Variants in GMEB2 observed in about 807,000 individuals in gnomAD.
GMEB2 encodes glucocorticoid modulatory element binding protein 2, also known as glucocorticoid modulatory element-binding protein 2.
Under a neutral mutation model 45.7 loss-of-function variants are expected in GMEB2, and 7 were observed. That is an observed-to-expected ratio of 0.15 (90% CI 0.09 to 0.29). The LOEUF (loss-of-function observed/expected upper bound fraction) is 0.29. GMEB2 is among the 10% of genes least tolerant of loss of function. The pLI is 1.00. For missense variants in GMEB2, 582 were observed against 739.2 expected, an observed-to-expected ratio of 0.79 and a Z score of 2.47; for synonymous variants, 322 against 323.6, an observed-to-expected ratio of 1.00 and a Z score of 0.05.
At chr20:63,616,527 T>C (rs1279686936) in intron 2 of GMEB2, among the ~76,000 whole-genome samples, 1 of 152,158 alleles carries the variant, frequency 6.6e-6, no homozygotes, top group African/African-American at 2.4e-5. Context: ...GCTTCCAAAG[T>C]GTAAACCCAG....
chr20:63,620,150 C>T (rs1217498542), intron 1 of GMEB2, among the ~76,000 whole-genome samples: 1 of 152,204 alleles, frequency 6.6e-6, no homozygotes, highest in Non-Finnish European at 1.5e-5. Flanking sequence ...CCACTCACCT[C>T]GGCCTCCCAA....
intron 2 of GMEB2, among the ~76,000 whole-genome samples, chr20:63,607,505 CA>C (rs68176712): frequency 1.4e-3 from 20 of 14,644 alleles, no homozygotes; most frequent in Admixed American, 3.1e-3. Flanking sequence ...CCCTCTGACC[CA>C]CACATCCATT....
At chr20:63,594,020 C>G (rs540364740) in intron 6 of GMEB2, among the ~76,000 whole-genome samples, 20 of 152,216 alleles carry the variant, frequency 1.3e-4, no homozygotes, top group Non-Finnish European at 2.2e-4. Context: ...ACTCCTTCTC[C>G]AACACCACCA....
chr20:63,614,599 G>A (rs915002497), intron 2 of GMEB2, among the ~76,000 whole-genome samples: 20 of 152,152 alleles, frequency 1.3e-4, no homozygotes, highest in Admixed American at 6.5e-4. Flanking sequence ...AGTCAGGCCC[G>A]CCCGCAGTTA....
In GMEB2 at chr20:63,604,788, C is replaced by A. The variant is rs1462613048; in HGVS notation, c.184G>T (p.Ala62Ser). Residue 62 changes from alanine (A) to serine (S), a missense_variant, in exon 3 of 10, where the codon GCC becomes TCC. Physicochemically the swap from Ala to Ser is moderately conservative, Grantham distance 99 (BLOSUM62 1). Transcript: ENST00000370077. Reference sequence around the variant, plus strand: ...TGGGAGGAGGCTGTGAAGGCCGCGGCAGCTGCTGCCGCTGCATTTTCTGTC... The same window carrying A: ...TGGGAGGAGGCTGTGAAGGCCGCGGAAGCTGCTGCCGCTGCATTTTCTGTC... ...METENAAAAAAAAFTASSQLK... is the reference protein window; with the variant it reads ...METENAAAAASAAFTASSQLK... 1.2e-6 allele frequency: 2 copies of A among 1,612,292 alleles called. No homozygotes were observed. The highest frequency in any genetic ancestry group is 2.7e-5 in the African/African-American group (2 of 74,902).
At chr20:63,618,466 A>G (rs974783819) in intron 2 of GMEB2, among the ~76,000 whole-genome samples, 5 of 152,210 alleles carry the variant, frequency 3.3e-5, no homozygotes, top group African/African-American at 4.8e-5. Context: ...CCTCCCAGGC[A>G]GCAGCTGCCT....
intron 1 of GMEB2, among the ~76,000 whole-genome samples, chr20:63,623,660 C>T (rs978135833): frequency 2.0e-5 from 3 of 151,790 alleles, no homozygotes; most frequent in African/African-American, 7.3e-5. Flanking sequence ...TAGCCGGGCG[C>T]GGTGGCAGGT....
Position 63,593,089 on chromosome 20 carries a change from C to A in GMEB2, c.620-7G>T, listed in dbSNP as rs571191517. 6.2e-7 allele frequency: 1 copy of A among 1,600,652 alleles called. No individual in the cohort carries two copies. ...GTCGCAGGAGACCCATTCACTGCAGCCGAAAGGGAACCTCGGGTGAGTGCT... is the reference window on the plus strand; with the variant it reads ...GTCGCAGGAGACCCATTCACTGCAGACGAAAGGGAACCTCGGGTGAGTGCT... On this transcript the variant is annotated splice_polypyrimidine_tract_variant and splice_region_variant and intron_variant, in intron 6 of 9. Transcript: ENST00000370077. This position sits in a 1 kb window ranked among gnomAD's most constrained non-coding sequence, Gnocchi z 4.7.
chr20:63,614,957 C>T (rs1012918740), intron 2 of GMEB2, among the ~76,000 whole-genome samples: 7 of 152,118 alleles, frequency 4.6e-5, no homozygotes, highest in East Asian at 1.9e-4. Context: ...TACCAGTCTC[C>T]GCGTCTTGGT....
chr20:63,602,537 G>A (rs955762504), intron 4 of GMEB2, among the ~76,000 whole-genome samples: 5 of 152,194 alleles, frequency 3.3e-5, no homozygotes, highest in Non-Finnish European at 5.9e-5. Context: ...TTCTTAGCCC[G>A]TGTGAGGCAG....
chr20:63,613,529 T>C (rs1601028763), intron 2 of GMEB2, among the ~76,000 whole-genome samples: 1 of 151,182 alleles, frequency 6.6e-6, no homozygotes, highest in East Asian at 1.9e-4. Context: ...TTCTTTTTTT[T>C]TTTTTTTTGA....
intron 2 of GMEB2, among the ~76,000 whole-genome samples, chr20:63,616,666 C>T (rs1260339472): frequency 6.6e-6 from 1 of 152,152 alleles, no homozygotes; most frequent in Non-Finnish European, 1.5e-5. Flanking sequence ...AGAGGCGTGG[C>T]ACATCAACTA....
chr20:63,592,232 A>G lies in GMEB2; in HGVS notation c.830-88T>C. 7.7e-7 allele frequency: 1 copy of G among 1,304,830 alleles called. No homozygotes were observed. 80.8% of individuals were successfully genotyped at this position (1,304,830 alleles called of 1,614,324 possible). On this transcript the variant is annotated intron_variant, in intron 8 of 9. Coordinates refer to ENST00000370077, the MANE Select transcript of GMEB2 (RefSeq NM_012384.5). The surrounding 1 kb of genome is among the most constrained non-coding windows in gnomAD (Gnocchi z 8.2). ...CTCGGTGAGAGCCCGGGACCTTCCT[A>G]GAGAGTCACGTGGACGCTCGGTGAG...
chr20:63,624,483 T>C (rs1054894901), intron 1 of GMEB2, among the ~76,000 whole-genome samples: 1 of 151,798 alleles, frequency 6.6e-6, no homozygotes, highest in African/African-American at 2.4e-5. Flanking sequence ...ATACTACTGA[T>C]CTCCCGTGCT....
intron 6 of GMEB2, among the ~76,000 whole-genome samples, chr20:63,594,321 C>G (rs968941033): frequency 6.6e-6 from 1 of 152,246 alleles, no homozygotes. Flanking sequence ...CCAGTTCCTT[C>G]CCTGGCAGGC....
chr20:63,624,188 G>A (rs1162926639), intron 1 of GMEB2, among the ~76,000 whole-genome samples: 3 of 151,954 alleles, frequency 2.0e-5, no homozygotes, highest in Non-Finnish European at 2.9e-5. Context: ...AGGCCGAGGC[G>A]GGTGGATCAC....
rs1442424747 is a variant in GMEB2 at position 63,604,751 on chromosome 20, G to A, written c.221C>T (p.Ala74Val). 1.9e-6 allele frequency: 3 copies of A among 1,596,712 alleles called. No homozygotes were observed. The highest frequency in any genetic ancestry group is 1.3e-5 in the African/African-American group (1 of 74,584). The change falls in exon 3 of 10, where the codon GCC (alanine) becomes GTC (valine). Residue 74 changes from alanine to valine, a missense_variant. Physicochemically the swap from Ala to Val is moderately conservative, Grantham distance 64. This residue lies in a region of GMEB2 where 114 missense variants were observed against 123.4 expected (regional missense o/e 0.92). Coordinates refer to ENST00000370077, the MANE Select transcript of GMEB2 (RefSeq NM_012384.5). ...CTAGGACGGCTTCCTACCTAACACGGCTTCCTTGAGCTGGGAGGAGGCTGT... is the reference window on the plus strand; with the variant it reads ...CTAGGACGGCTTCCTACCTAACACGACTTCCTTGAGCTGGGAGGAGGCTGT... ...AFTASSQLKE[A>V]VLVKMAEEGE...
chr20:63,606,485 C>T (rs1385636111), intron 2 of GMEB2, among the ~76,000 whole-genome samples: 3 of 151,938 alleles, frequency 2.0e-5, no homozygotes, highest in African/African-American at 4.8e-5. Flanking sequence ...GTAGCTGGGA[C>T]TACAGGCGCC....
In GMEB2 at chr20:63,589,386, A is replaced by T. The variant is rs1569045146; in HGVS notation, c.*703T>A. On this transcript the variant is annotated 3_prime_UTR_variant, in exon 10 of 10. Transcript: ENST00000370077. ...TAGAAGCCTACTAAGCAATTCACTT[A>T]AAAACACCCTCAGTACATGTGCAAC... 2.5e-6 allele frequency: 1 copy of T among 394,498 alleles called. No individual in the cohort carries two copies. The highest frequency in any genetic ancestry group is 4.5e-6 in the Non-Finnish European group (1 of 223,774). 24.4% of individuals were successfully genotyped at this position (394,498 alleles called of 1,614,324 possible).
Sources: gnomAD v4.1 joint callset for allele counts (sites outside exome capture counted in the v4.1 genomes callset) on GRCh38, gnomAD v4.1.1 for gene constraint, gnomAD v4.1.1 regional missense constraint, Gnocchi (gnomAD v3.1) non-coding constraint, MANE v1.5 for transcripts, NCBI Gene and HGNC (gene_info 2026-07-23, HGNC 2026-07-21) for gene names.